Variants in ZFYVE26 observed in about 807,000 individuals in gnomAD.
ZFYVE26 encodes zinc finger FYVE domain-containing protein 26.
In ZFYVE26, 181 loss-of-function variants were observed where a neutral mutation model predicts 276.5. The ratio of observed to expected loss-of-function variants is 0.65; its 90% CI spans 0.58 to 0.74. The LOEUF (loss-of-function observed/expected upper bound fraction) is 0.74, where lower values mean the gene tolerates loss of function less well. ZFYVE26 is among the 30% of genes least tolerant of loss of function. The pLI is 0.00. For synonymous variants in ZFYVE26, 1,129 were observed against 1,203.1 expected (o/e 0.94, Z 1.27); for missense variants, 2,821 against 3,097.9 (o/e 0.91, Z 2.12).
At chr14:67,788,006 G>T (rs528400875) in intron 16 of ZFYVE26, among the ~76,000 whole-genome samples, 3 of 152,152 alleles carry the variant, frequency 2.0e-5, no homozygotes, top group African/African-American at 7.2e-5. Flanking sequence ...GTACAATGTG[G>T]TTTATGCTGA....
At chr14:67,811,892 T>C (rs1365919848) in intron 3 of ZFYVE26, among the ~76,000 whole-genome samples, 2 of 148,404 alleles carry the variant, frequency 1.3e-5, no homozygotes, top group Admixed American at 6.8e-5. Flanking sequence ...AAATATAAAA[T>C]ATATGATATA....
Position 67,762,239 on chromosome 14 carries a change from C to T in ZFYVE26, c.6333G>A (p.Glu2111=). 6.2e-7 allele frequency: 1 copy of T among 1,614,140 alleles called. No individual in the cohort carries two copies. The highest frequency in any genetic ancestry group is 1.1e-5 in the South Asian group (1 of 91,082). Residue 2111 remains glutamate, a synonymous_variant, in exon 34 of 42, where the codon GAG becomes GAA. Coordinates refer to ENST00000347230, the MANE Select transcript of ZFYVE26 (RefSeq NM_015346.4). ...HGSRLVQDVV[E]YLESTVRPFV... ...AGGGCCTCACTGTGGACTCTAGGTACTCAACCACATCCTGCACCAGCCTTG... is the reference window on the plus strand; with the variant it reads ...AGGGCCTCACTGTGGACTCTAGGTATTCAACCACATCCTGCACCAGCCTTG...
intron 28 of ZFYVE26, 26 bp downstream of exon 28, chr14:67,772,021 T>C (rs773452130): frequency 1.2e-6 from 2 of 1,608,004 alleles, no homozygotes; most frequent in South Asian, 2.2e-5. Context: ...CTCCTGAGGG[T>C]GACAGTGGAG....
At chr14:67,809,420 TTTTTTTTTTTTTTTTA>T (rs1224022970) in intron 3 of ZFYVE26, 131 bp from the exon 4 acceptor site, 1 of 584,944 alleles carries the variant, frequency 1.7e-6, no homozygotes, top group African/African-American at 2.1e-5. Flanking sequence ...TTTTTTTTTT[TTTTTTTTTTTTTTTTA>T]TTTTGAGACA....
chr14:67,742,849 T>TTTTTG, downstream of ZFYVE26, among the ~76,000 whole-genome samples: 1 of 142,610 alleles, frequency 7.0e-6, no homozygotes, highest in Admixed American at 6.9e-5. Flanking sequence ...TTTTTTTTTT[T>TTTTTG]TTTTTTTTGT....
chr14:67,753,182 G>A (rs1007487395), intron 39 of ZFYVE26, among the ~76,000 whole-genome samples: 1 of 152,210 alleles, frequency 6.6e-6, no homozygotes, highest in Non-Finnish European at 1.5e-5. Flanking sequence ...AGCTCCTGGG[G>A]TATCTGCATG....
intron 5 of ZFYVE26, 86 bp from the exon 6 acceptor site, chr14:67,806,761 G>A: frequency 6.5e-7 from 1 of 1,547,188 alleles, no homozygotes; most frequent in Admixed American, 1.7e-5. Context: ...AGTGATGTGA[G>A]AGTTTGCTCT....
chr14:67,798,006 T>A lies in ZFYVE26; in HGVS notation c.2248+8A>T. 6.2e-7 allele frequency: 1 copy of A among 1,614,028 alleles called. No individual in the cohort carries two copies. Among genetic ancestry groups the A allele is most frequent in the Middle Eastern group, 1.7e-4 (1 of 6,024 alleles). ...CTTCTGGTCCCACCAGTTCCACCCT[T>A]CTCTCACCTGAACGATGGTTGCTTG... On this transcript the variant is annotated splice_region_variant and intron_variant, in intron 11 of 41. Coordinates refer to ENST00000347230, the MANE Select transcript of ZFYVE26 (RefSeq NM_015346.4).
intron 2 of ZFYVE26, among the ~76,000 whole-genome samples, chr14:67,814,931 C>T (rs924537740): frequency 4.6e-5 from 7 of 152,126 alleles, no homozygotes; most frequent in African/African-American, 7.2e-5. Context: ...GGAAGGAAAA[C>T]CCAAGGAAAG....
intron 3 of ZFYVE26, among the ~76,000 whole-genome samples, chr14:67,810,427 T>G (rs569600376): frequency 9.2e-5 from 14 of 152,378 alleles, no homozygotes; most frequent in Non-Finnish European, 1.3e-4. Context: ...TCACAGGTAC[T>G]GTGTGCCATA....
intron 6 of ZFYVE26, 28 bp downstream of exon 6, chr14:67,806,517 C>T: frequency 6.2e-7 from 1 of 1,613,786 alleles, no homozygotes; most frequent in Non-Finnish European, 8.5e-7. Context: ...CTGGGTACCT[C>T]TGTGATGAAC....
At chr14:67,812,191 A>G (rs1289377143) in intron 3 of ZFYVE26, among the ~76,000 whole-genome samples, 2 of 152,146 alleles carry the variant, frequency 1.3e-5, no homozygotes, top group Admixed American at 6.5e-5. Context: ...TATTTTACAT[A>G]TAGATATATT....
chr14:67,787,156 G>A (rs1256655307), intron 16 of ZFYVE26, among the ~76,000 whole-genome samples: 2 of 152,128 alleles, frequency 1.3e-5, no homozygotes, highest in Non-Finnish European at 2.9e-5. Context: ...GCTGAGGTGG[G>A]TGGATGGTGA....
Position 67,748,591 on chromosome 14 carries a change from C to G in ZFYVE26, c.7465G>C (p.Ala2489Pro). 6.2e-7 allele frequency: 1 copy of G among 1,614,180 alleles called. No homozygotes were observed. Among genetic ancestry groups the G allele is most frequent in the Non-Finnish European group, 8.5e-7 (1 of 1,180,042 alleles). The change falls in exon 42 of 42, where the codon GCT becomes CCT. Residue 2489 changes from alanine to proline, a missense_variant. By Grantham distance (27) the Ala-to-Pro change is conservative. Transcript: ENST00000347230. ...GCCCGTGAGTGTTCTTGCTTCACAG[C>G]AATCAAGTAGGCAGAACGCAGTTTG... is the stretch of plus-strand genomic sequence containing the variant. ...CCKLRSAYLIAVKQEHSRATA... is the reference protein window; with the variant it reads ...CCKLRSAYLIPVKQEHSRATA...
Position 67,761,565 on chromosome 14 carries a change from G to T in ZFYVE26, c.6389C>A (p.Ala2130Asp). The change falls in exon 35 of 42, where the codon GCC becomes GAC. Residue 2130 changes from alanine to aspartate, a missense_variant. Ala to Asp is a moderately radical substitution (Grantham distance 126). Coordinates refer to ENST00000347230, the MANE Select transcript of ZFYVE26 (RefSeq NM_015346.4). ...GGTAGCTTCCAGTTCCCTCAGGGTGGCAAAGTAATCGTCATCTTGCTGACA... is the reference window on the plus strand; with the variant it reads ...GGTAGCTTCCAGTTCCCTCAGGGTGTCAAAGTAATCGTCATCTTGCTGACA... The part of the protein sequence containing the change: ...FVSLQDDDYF[A>D]TLRELEATLR... 6.2e-7 allele frequency: 1 copy of T among 1,614,082 alleles called. No individual in the cohort carries two copies. Among genetic ancestry groups the T allele is most frequent in the Non-Finnish European group, 8.5e-7 (1 of 1,179,998 alleles).
chr14:67,798,522 TGAG>T lies in ZFYVE26; in HGVS notation c.1737_1739del (p.Phe579_Ser580delinsLeu). The T allele has an allele frequency of 1.2e-6, 2 of 1,613,928 alleles. No homozygotes were observed. Among genetic ancestry groups the T allele is most frequent in the Non-Finnish European group, 1.7e-6 (2 of 1,179,990 alleles). On this transcript the variant is annotated inframe_deletion, in exon 11 of 42. Coordinates refer to ENST00000347230, the MANE Select transcript of ZFYVE26 (RefSeq NM_015346.4). ...GATCAGCAGAGGTGATGAGAAGCAA[TGAG>T]AAGATGTTTTCCAGAAGCTCCAGGC...
intron 13 of ZFYVE26, chr14:67,735,145 T>C: frequency 1.2e-6 from 1 of 866,360 alleles, no homozygotes; most frequent in Non-Finnish European, 2.0e-6. Context: ...TGATTCGACA[T>C]GTTGTTGGCA....
intron 39 of ZFYVE26, 103 bp downstream of exon 39, chr14:67,753,604 A>T (rs1274579530): frequency 1.6e-6 from 2 of 1,276,076 alleles, no homozygotes; most frequent in Non-Finnish European, 2.2e-6. Flanking sequence ...GTGCATGTAA[A>T]TCCACTTTTC....
intron 37 of ZFYVE26, 25 bp downstream of exon 37, chr14:67,755,026 A>T (rs1040135146): frequency 6.2e-7 from 1 of 1,612,776 alleles, no homozygotes; most frequent in African/African-American, 1.3e-5. Flanking sequence ...GCCCCACACC[A>T]ATAGTCCCCT....
Sources: allele counts gnomAD v4.1 joint callset (sites outside exome capture counted in the v4.1 genomes callset), GRCh38; gene constraint gnomAD v4.1.1; transcripts MANE v1.5; gene names NCBI Gene and HGNC (gene_info 2026-07-23, HGNC 2026-07-21).